The following AMBP variants were observed in gnomAD, a reference collection of about 807,000 sequenced individuals.
AMBP encodes the protein alpha-1-microglobulin/bikunin precursor.
In AMBP, 37 loss-of-function variants were observed where a neutral mutation model predicts 46.3. That is an observed-to-expected ratio of 0.80 (90% CI 0.61 to 1.05). AMBP has a LOEUF of 1.05. AMBP is among the 50% of genes least tolerant of loss of function. AMBP has a pLI of 0.00. For synonymous variants in AMBP, 174 were observed against 175.9 expected, an observed-to-expected ratio of 0.99 and a Z score of 0.09; for missense variants, 475 against 461.2, an observed-to-expected ratio of 1.03 and a Z score of -0.27.
intron 6 of AMBP, among the ~76,000 whole-genome samples, chr9:114,065,259 A>T (rs889164515): frequency 6.6e-6 from 1 of 152,206 alleles, no homozygotes; most frequent in Non-Finnish European, 1.5e-5. Context: ...ATTAATTAAG[A>T]TGAGGTTATT....
At chr9:114,067,789 C>A (rs1289248573) in intron 6 of AMBP, among the ~76,000 whole-genome samples, 1 of 151,978 alleles carries the variant, frequency 6.6e-6, no homozygotes, top group Non-Finnish European at 1.5e-5. Flanking sequence ...CTGTTGCACC[C>A]AAGCAAAATG....
At chr9:114,061,689 A>G in intron 7 of AMBP, 98 bp from the exon 8 acceptor site, 1 of 1,354,730 alleles carries the variant, frequency 7.4e-7, no homozygotes, top group South Asian at 1.5e-5. Flanking sequence ...AATTTTCACT[A>G]AAAGGATTAT....
intron 6 of AMBP, among the ~76,000 whole-genome samples, chr9:114,066,376 C>CGTGTGT (rs55940547): frequency 0.04 from 5,606 of 141,166 alleles, 161 homozygotes; most frequent in East Asian, 0.11. Flanking sequence ...TTTATGTGCA[C>CGTGTGT]GTGTGTGTGT....
chr9:114,077,106 C>A (rs1846821787), intron 1 of AMBP, among the ~76,000 whole-genome samples: 1 of 152,200 alleles, frequency 6.6e-6, no homozygotes, highest in African/African-American at 2.4e-5. Context: ...ATGGGGTGCT[C>A]CCCACCTTGC....
chr9:114,061,048 G>T lies in AMBP; in HGVS notation c.904C>A (p.Leu302Ile). Reference protein sequence around the residue: ...VRGPCRAFIQLWAFDAVKGKC... With the variant: ...VRGPCRAFIQIWAFDAVKGKC... ...CCCTTGACAGCATCAAATGCCCAGA[G>T]CTGGATGAAGGCTCGGCAGGGGCCC... Residue 302 changes from leucine to isoleucine, a missense_variant, in exon 9 of 10, where the codon CTC becomes ATC. Leu to Ile is a conservative substitution (Grantham distance 5, BLOSUM62 2). Coordinates refer to ENST00000265132, the MANE Select transcript of AMBP (RefSeq NM_001633.4). 6.2e-7 allele frequency: 1 copy of T among 1,614,252 alleles called. No homozygotes were observed. The highest frequency in any genetic ancestry group is 8.5e-7 in the Non-Finnish European group (1 of 1,180,042).
intron 2 of AMBP, among the ~76,000 whole-genome samples, 194 bp downstream of exon 2, chr9:114,076,404 G>A (rs1388761522): frequency 2.0e-5 from 3 of 152,118 alleles, no homozygotes; most frequent in Non-Finnish European, 4.4e-5. Context: ...GCACAGTGCT[G>A]GGACACTGCC....
chr9:114,070,561 G>A (rs1299118258), intron 5 of AMBP, among the ~76,000 whole-genome samples: 1 of 152,230 alleles, frequency 6.6e-6, no homozygotes, highest in African/African-American at 2.4e-5. Context: ...GCCAGCAGGG[G>A]AGCAATACAG....
intron 6 of AMBP, among the ~76,000 whole-genome samples, chr9:114,069,131 T>C (rs978550545): frequency 2.0e-5 from 3 of 152,014 alleles, no homozygotes; most frequent in Admixed American, 2.0e-4. Context: ...TAGAATAGGA[T>C]ATATAATTTT....
chr9:114,067,242 A>G (rs777063220), intron 6 of AMBP, among the ~76,000 whole-genome samples: 6 of 151,974 alleles, frequency 3.9e-5, no homozygotes, highest in Non-Finnish European at 8.8e-5. Flanking sequence ...CTGGCTCAGG[A>G]TGTATATTTT....
rs757528701 is a variant in AMBP, at chr9:114,061,347, T to G, written c.853+77A>C. ...TGGAATGCCCTCTGTTAGCTACCTT[T>G]TCAATTCGCAGGTGGTTTACTGGAG... On this transcript the variant is annotated intron_variant, in intron 8 of 9. Transcript: ENST00000265132. The G allele has an allele frequency of 6.2e-6, 10 of 1,600,308 alleles. No individual in the cohort carries two copies. In the East Asian group the frequency reaches 1.1e-4, roughly 18 times the overall value.
intron 6 of AMBP, among the ~76,000 whole-genome samples, chr9:114,065,500 T>C (rs370342643): frequency 1.3e-5 from 2 of 152,184 alleles, no homozygotes; most frequent in Non-Finnish European, 2.9e-5. Context: ...CTTGGACTTC[T>C]GGCTTCCAGA....
At chr9:114,062,238 G>A (rs1236806506) in intron 7 of AMBP, among the ~76,000 whole-genome samples, 1 of 152,164 alleles carries the variant, frequency 6.6e-6, no homozygotes, top group East Asian at 1.9e-4. Context: ...GGCGGAGCAG[G>A]GTTCAGTGTT....
chr9:114,062,621 TG>T, intron 7 of AMBP, 55 bp downstream of exon 7: 1 of 1,568,854 alleles, frequency 6.4e-7, no homozygotes, highest in Non-Finnish European at 8.8e-7. Flanking sequence ...GAGCCAACTG[TG>T]GGCCCTTCCT....
At position 114,076,749 on chromosome 9, in the gene AMBP, C is replaced by A; in HGVS notation, c.118-9G>T. 6.2e-7 allele frequency: 1 copy of A among 1,613,474 alleles called. No homozygotes were observed. The highest frequency in any genetic ancestry group is 1.3e-5 in the African/African-American group (1 of 75,040). ...TACCACTTCCCATAGATCTAGGAGGCAGGTGAGCTCTGGGGGTCTGCATCA... is the reference window on the plus strand; with the variant it reads ...TACCACTTCCCATAGATCTAGGAGGAAGGTGAGCTCTGGGGGTCTGCATCA... On this transcript the variant is annotated splice_polypyrimidine_tract_variant and intron_variant, in intron 1 of 9. Transcript: ENST00000265132.
rs532373244 is a variant in AMBP at position 114,074,288 on chromosome 9, T to C, written c.338-136A>G. Reference sequence around the variant, plus strand: ...CACCCATGCCTTCCATATCTCCATTTATCAATTCATCCATATTCAATCTCT... The same window carrying C: ...CACCCATGCCTTCCATATCTCCATTCATCAATTCATCCATATTCAATCTCT... On this transcript the variant is annotated intron_variant, in intron 3 of 9. Coordinates refer to ENST00000265132, the MANE Select transcript of AMBP (RefSeq NM_001633.4). 1.4e-3 allele frequency: 904 copies of C among 668,396 alleles called. 3 individuals carry two copies. The highest frequency in any genetic ancestry group is 2.0e-3 in the Non-Finnish European group (738 of 375,310). The allele number at this position is 668,396 out of a possible 1,614,324, so 41.4% of individuals were successfully genotyped here. A position where few individuals can be genotyped will look rare whatever the true frequency, so the allele number is the denominator to read the frequency against.
chr9:114,071,880 G>T (rs1019491840), intron 5 of AMBP, among the ~76,000 whole-genome samples: 8 of 152,140 alleles, frequency 5.3e-5, no homozygotes, highest in African/African-American at 1.9e-4. Context: ...CCATTCCAGG[G>T]TCTCCTCTCT....
chr9:114,067,191 A>C (rs1338796335), intron 6 of AMBP, among the ~76,000 whole-genome samples: 1 of 151,876 alleles, frequency 6.6e-6, no homozygotes, highest in African/African-American at 2.4e-5. Context: ...TGCCCGCCTC[A>C]CCTCCCAAAG....
At chr9:114,068,749 A>G (rs1371766135) in intron 6 of AMBP, among the ~76,000 whole-genome samples, 1 of 148,500 alleles carries the variant, frequency 6.7e-6, no homozygotes, top group Non-Finnish European at 1.5e-5. Flanking sequence ...CCTTTTATCC[A>G]TATGTGTGGC....
intron 6 of AMBP, among the ~76,000 whole-genome samples, chr9:114,067,151 G>C (rs1167414720): frequency 1.3e-5 from 2 of 152,086 alleles, no homozygotes; most frequent in African/African-American, 2.4e-5. Context: ...ATGTTGGCCA[G>C]GATGGTCTCG....
Sources: allele counts gnomAD v4.1 joint callset (sites outside exome capture counted in the v4.1 genomes callset), GRCh38; gene constraint gnomAD v4.1.1; transcripts MANE v1.5; gene names NCBI Gene and HGNC (gene_info 2026-07-23, HGNC 2026-07-21).